The following SENP1 variants were observed in gnomAD, a reference collection of about 807,000 sequenced individuals.
SENP1 encodes sentrin-specific protease 1.
Under a neutral mutation model 93.0 loss-of-function variants are expected in SENP1, and 21 were observed. That is an observed-to-expected ratio of 0.23 (90% CI 0.16 to 0.33). The LOEUF is 0.33. Among genes scored for constraint, SENP1 ranks in the 10% least tolerant of loss-of-function variants. The pLI is 1.00. For missense variants in SENP1, 591 were observed against 758.7 expected, an observed-to-expected ratio of 0.78 and a Z score of 2.60; for synonymous variants, 256 against 259.6, an observed-to-expected ratio of 0.99 and a Z score of 0.13.
chr12:48,051,108 A>G (rs908421027), intron 13 of SENP1, among the ~76,000 whole-genome samples: 12 of 152,156 alleles, frequency 7.9e-5, no homozygotes, highest in African/African-American at 2.9e-4. Context: ...AATGACATAA[A>G]TGAGTGTCAT....
intron 6 of SENP1, among the ~76,000 whole-genome samples, chr12:48,077,387 T>C (rs1157076381): frequency 6.6e-6 from 1 of 152,222 alleles, no homozygotes; most frequent in East Asian, 1.9e-4. Flanking sequence ...CTAGCAGTTT[T>C]AGAGTTTCTA....
chr12:48,095,574 T>C (rs1968071), intron 4 of SENP1, among the ~76,000 whole-genome samples: 33,428 of 149,488 alleles, frequency 0.22, 4,395 homozygotes, highest in East Asian at 0.55. Flanking sequence ...GTTGAGGCAG[T>C]TTCAATGGTA....
At chr12:48,097,821 G>A (rs868073906) in intron 3 of SENP1, 173 bp downstream of exon 3, 11 of 559,030 alleles carry the variant, frequency 2.0e-5, no homozygotes, top group African/African-American at 1.5e-4. Context: ...TTGTCTTAAC[G>A]TCCTTGTCTT....
intron 15 of SENP1, 108 bp from the exon 16 acceptor site, chr12:48,047,170 CT>C (rs1417414808): frequency 2.9e-6 from 2 of 683,430 alleles, no homozygotes; most frequent in Non-Finnish European, 5.2e-6. Context: ...TTCATCTGCT[CT>C]TCTGAGGAAA....
intron 13 of SENP1, among the ~76,000 whole-genome samples, chr12:48,059,961 T>A (rs1271446669): frequency 6.6e-6 from 1 of 152,204 alleles, no homozygotes; most frequent in Non-Finnish European, 1.5e-5. Flanking sequence ...TCCTTCTTTC[T>A]GGTGGTTCTT....
intron 6 of SENP1, among the ~76,000 whole-genome samples, chr12:48,082,978 G>A (rs1029250402): frequency 2.0e-5 from 3 of 152,066 alleles, no homozygotes; most frequent in African/African-American, 4.8e-5. Context: ...AAAGCAAGTC[G>A]AGTGCAGCCT....
At position 48,065,779 on chromosome 12, in the gene SENP1, A is replaced by G. The variant is rs1204696376; in HGVS notation, c.1035-99T>C. On this transcript the variant is annotated intron_variant, in intron 10 of 17. Coordinates refer to ENST00000549518, the MANE Select transcript of SENP1 (RefSeq NM_001267594.2). ...TATTAAATACAGGACCCTCACAAAG[A>G]AAGTCTAAAATCCTTACACTAACTT... is the stretch of plus-strand genomic sequence containing the variant. The G allele has an allele frequency of 5.5e-6, 4 of 723,024 alleles. No homozygotes were observed. In the East Asian group the frequency reaches 1.1e-4, roughly 20 times the overall value. 44.8% of individuals were successfully genotyped at this position (723,024 alleles called of 1,614,324 possible).
At chr12:48,089,300 GA>G in intron 4 of SENP1, 2 of 1,368,860 alleles carry the variant, frequency 1.5e-6, no homozygotes, top group Non-Finnish European at 1.9e-6. Context: ...GGGCCTGAAA[GA>G]AGGTAGGCCA....
intron 13 of SENP1, among the ~76,000 whole-genome samples, chr12:48,056,632 T>C (rs1216212276): frequency 1.1e-4 from 8 of 74,380 alleles, no homozygotes; most frequent in Admixed American, 2.8e-4. Flanking sequence ...ATATATTATT[T>C]AATATATTAC....
At chr12:48,053,057 T>G (rs1213900152) in intron 13 of SENP1, among the ~76,000 whole-genome samples, 1 of 152,336 alleles carries the variant, frequency 6.6e-6, no homozygotes, top group East Asian at 1.9e-4. Flanking sequence ...ACTTAATGTT[T>G]TGCAGGTTGT....
chr12:48,067,632 T>C (rs74089530), intron 9 of SENP1, among the ~76,000 whole-genome samples: 3,694 of 152,200 alleles, frequency 0.024, 159 homozygotes, highest in African/African-American at 0.083. Flanking sequence ...AAGAAAACTA[T>C]TAAATATAGA....
rs916224146 is a variant in SENP1 at position 48,093,412 on chromosome 12, T to C, written c.220+2931A>G. Among the ~76,000 whole-genome samples the C allele has an allele frequency of 7.9e-5, 12 of 151,798 alleles. No individual in the cohort carries two copies. The South Asian group carries it at 2.1e-3, about 26-fold the overall frequency. On this transcript the variant is annotated intron_variant, in intron 4 of 17. Transcript: ENST00000549518. Reference sequence around the variant, plus strand: ...GATTCTTCTGCCTCAGCTTCCCAAGTAGCTGGGATTACAGGTGTCCTCCAA... The same window carrying C: ...GATTCTTCTGCCTCAGCTTCCCAAGCAGCTGGGATTACAGGTGTCCTCCAA...
At chr12:48,098,322 A>G (rs559352755) in intron 2 of SENP1, among the ~76,000 whole-genome samples, 198 bp from the exon 3 acceptor site, 27 of 151,418 alleles carry the variant, frequency 1.8e-4, no homozygotes, top group Non-Finnish European at 3.5e-4. Flanking sequence ...GCAACATAGT[A>G]AGACCCTGTC....
chr12:48,083,702 T>C lies in SENP1; in HGVS notation c.441A>G (p.Glu147=), dbSNP rs754957062. ...GAACAGGTTTAATAGGAAAAGATTT[T>C]TCATATGCAGATACATGGCAGTGAT... ...SNHHCHVSAY[E]KSFPIKPVPS... The change falls in exon 6 of 18, where the codon GAA becomes GAG. Residue 147 remains glutamate, a synonymous_variant. Transcript: ENST00000549518. The C allele has an allele frequency of 4.3e-6, 7 of 1,613,384 alleles. No individual in the cohort carries two copies. In the Admixed American group the frequency reaches 1.2e-4, roughly 27 times the overall value.
At chr12:48,056,072 T>C (rs1305137296) in intron 13 of SENP1, among the ~76,000 whole-genome samples, 1 of 124,564 alleles carries the variant, frequency 8.0e-6, no homozygotes, top group Admixed American at 8.8e-5. Context: ...ATATACAGTA[T>C]ATATTATATA....
rs555641966 is a variant in SENP1, at chr12:48,043,077, G to T, written c.*2245C>A. ...TGCTCTTGTTGGCTAGCTCAGGAAA[G>T]AATGGTCCACTGTGTAAGTCTGTAT... On this transcript the variant is annotated 3_prime_UTR_variant, in exon 18 of 18. Transcript: ENST00000549518. 1 of 152,272 alleles carries T rather than the reference G, an allele frequency of 6.6e-6. No homozygotes were observed. Among genetic ancestry groups the T allele is most frequent in the African/African-American group, 2.4e-5 (1 of 41,348 alleles). The allele number at this position is 152,272 out of a possible 1,614,324, so 9.4% of individuals were successfully genotyped here.
Position 48,044,540 on chromosome 12 carries a change from T to C in SENP1, c.*782A>G, listed in dbSNP as rs1941226390. On this transcript the variant is annotated 3_prime_UTR_variant, in exon 18 of 18. Coordinates refer to ENST00000549518, the MANE Select transcript of SENP1 (RefSeq NM_001267594.2). Reference sequence around the variant, plus strand: ...GGTCAGAAGTAGGCAACAGTAAAAGTGGTGCTTTGTTGCGCCACTGAAACC... The same window carrying C: ...GGTCAGAAGTAGGCAACAGTAAAAGCGGTGCTTTGTTGCGCCACTGAAACC... 3 of 152,092 alleles carry C rather than the reference T, an allele frequency of 2.0e-5. No individual in the cohort carries two copies. Among genetic ancestry groups the C allele is most frequent in the Admixed American group, 1.3e-4 (2 of 15,274 alleles). The allele number at this position is 152,092 out of a possible 1,614,324, so 9.4% of individuals were successfully genotyped here.
At chr12:48,102,149 G>T (rs1473977331) in intron 1 of SENP1, among the ~76,000 whole-genome samples, 2 of 152,278 alleles carry the variant, frequency 1.3e-5, no homozygotes, top group Non-Finnish European at 2.9e-5. Flanking sequence ...TGCTGGCCGG[G>T]TGCAGTGGCT....
rs146751778 is a variant in SENP1, at chr12:48,074,215, C to T, written c.940+109G>A. 791 of 938,992 alleles carry T rather than the reference C, an allele frequency of 8.4e-4. 3 individuals carry two copies. The Middle Eastern group carries it at 0.01, about 12-fold the overall frequency. The allele number at this position is 938,992 out of a possible 1,614,324, so 58.2% of individuals were successfully genotyped here. A position where few individuals can be genotyped will look rare whatever the true frequency, so the allele number is the denominator to read the frequency against. Reference sequence around the variant, plus strand: ...ATTTCGGACTTCATATTTTCAGATTCGGTATGCTCATTTATTTATATGTAT... The same window carrying T: ...ATTTCGGACTTCATATTTTCAGATTTGGTATGCTCATTTATTTATATGTAT... On this transcript the variant is annotated intron_variant, in intron 8 of 17. Transcript: ENST00000549518.
Sources: allele counts gnomAD v4.1 joint callset (sites outside exome capture counted in the v4.1 genomes callset), GRCh38; gene constraint gnomAD v4.1.1; transcripts MANE v1.5; gene names NCBI Gene and HGNC (gene_info 2026-07-23, HGNC 2026-07-21).